MAP2: variants seen among roughly 807,000 people sequenced by gnomAD.
The protein encoded by MAP2 is microtubule associated protein 2.
A neutral mutation model predicts 137.6 loss-of-function variants in MAP2; 14 were observed. The ratio of observed to expected loss-of-function variants is 0.10; its 90% CI spans 0.07 to 0.16. The LOEUF (loss-of-function observed/expected upper bound fraction) is 0.16. Ranked by LOEUF, MAP2 falls within the 10% of genes least tolerant of loss-of-function variation. The pLI is 1.00. For synonymous variants in MAP2, 786 were observed against 782.3 expected, an observed-to-expected ratio of 1.00 and a Z score of -0.08; for missense variants, 2,088 against 2,191.5, an observed-to-expected ratio of 0.95 and a Z score of 0.94.
chr2:209,719,042 A>G (rs1033118633), intron 13 of MAP2, among the ~76,000 whole-genome samples: 2 of 152,204 alleles, frequency 1.3e-5, no homozygotes, highest in African/African-American at 4.8e-5. Context: ...TTCGAAAGAG[A>G]GAGAAAGTAT....
chr2:209,464,254 A>C (rs997527720), intron 1 of MAP2, among the ~76,000 whole-genome samples: 2 of 152,158 alleles, frequency 1.3e-5, no homozygotes, highest in African/African-American at 4.8e-5. Context: ...CTTCAATGTT[A>C]GTCTTTTTTT....
chr2:209,495,429 G>A (rs1339094643), intron 1 of MAP2, among the ~76,000 whole-genome samples: 4 of 152,230 alleles, frequency 2.6e-5, no homozygotes, highest in South Asian at 4.1e-4. Context: ...CATCTCATAC[G>A]GGAGAGCTCC....
At chr2:209,548,047 A>G (rs1165994830) in intron 2 of MAP2, among the ~76,000 whole-genome samples, 2 of 152,198 alleles carry the variant, frequency 1.3e-5, no homozygotes, top group African/African-American at 2.4e-5. Flanking sequence ...TCGATAAAGC[A>G]CCAGAAATAA....
intron 1 of MAP2, among the ~76,000 whole-genome samples, chr2:209,435,847 G>T (rs1695797382): frequency 6.7e-6 from 1 of 149,168 alleles, no homozygotes; most frequent in Non-Finnish European, 1.5e-5. Flanking sequence ...GTGAGAGTTA[G>T]AAGCCATGCA....
chr2:209,510,007 G>A (rs888194997), intron 2 of MAP2, among the ~76,000 whole-genome samples: 5 of 143,060 alleles, frequency 3.5e-5, no homozygotes, highest in African/African-American at 1.0e-4. Context: ...CTGGAAACGT[G>A]TTTTAATCTC....
intron 1 of MAP2, among the ~76,000 whole-genome samples, chr2:209,443,545 T>A (rs1698332521): frequency 7.9e-6 from 1 of 126,794 alleles, no homozygotes; most frequent in Non-Finnish European, 1.7e-5. Context: ...TCATACTTCT[T>A]GATGTATGCT....
At chr2:209,667,428 A>G (rs2046824584) in intron 5 of MAP2, among the ~76,000 whole-genome samples, 1 of 151,978 alleles carries the variant, frequency 6.6e-6, no homozygotes, top group Non-Finnish European at 1.5e-5. Context: ...AAACTAGCAA[A>G]GGGAAAGGAA....
At chr2:209,502,999 CTTTTTT>C (rs71043931) in intron 1 of MAP2, among the ~76,000 whole-genome samples, 6 of 131,342 alleles carry the variant, frequency 4.6e-5, no homozygotes, top group South Asian at 2.4e-4. Context: ...GATTTTTTTT[CTTTTTT>C]TTTTTTTTTT....
intron 2 of MAP2, among the ~76,000 whole-genome samples, chr2:209,566,204 T>C (rs909393423): frequency 6.6e-6 from 1 of 152,140 alleles, no homozygotes; most frequent in Non-Finnish European, 1.5e-5. Flanking sequence ...AAGTCCTGAG[T>C]GGAGGACCAA....
At chr2:209,729,030 C>T (rs900848056) in intron 14 of MAP2, among the ~76,000 whole-genome samples, 4 of 152,300 alleles carry the variant, frequency 2.6e-5, no homozygotes, top group East Asian at 3.9e-4. Flanking sequence ...GTAACTTGCC[C>T]AGTGTAGAAG....
chr2:209,489,684 A>G lies in MAP2; in HGVS notation c.-221-17908A>G, dbSNP rs531920430. On this transcript the variant is annotated intron_variant, in intron 1 of 15. Coordinates refer to ENST00000682079, the MANE Select transcript of MAP2 (RefSeq NM_001375505.1). Reference sequence around the variant, plus strand: ...TAGCCAAATTGATCAAGTGGAAGAAAGGATATCAGAGATTGAAGATCAATT... The same window carrying G: ...TAGCCAAATTGATCAAGTGGAAGAAGGGATATCAGAGATTGAAGATCAATT... Among the ~76,000 whole-genome samples, 6 of 152,328 alleles carry G rather than the reference A, an allele frequency of 3.9e-5. No individual in the cohort carries two copies. In the East Asian group the frequency reaches 9.7e-4, roughly 25 times the overall value.
In MAP2 at chr2:209,599,663, A is replaced by G. The variant is rs532218077; in HGVS notation, c.-107+19563A>G. Among the ~76,000 whole-genome samples the G allele has an allele frequency of 1.1e-4, 17 of 152,250 alleles. No individual in the cohort carries two copies. The East Asian group carries it at 2.5e-3, about 23-fold the overall frequency. ...TTACAATTGCCTTCTTGTCAACAGA[A>G]CAGAAATTTCTGGAGTCTATGGCTG... is the stretch of plus-strand genomic sequence containing the variant. On this transcript the variant is annotated intron_variant, in intron 3 of 15. Transcript: ENST00000682079.
In MAP2 at chr2:209,693,674, A is replaced by G. The variant is rs770938168; in HGVS notation, c.1504A>G (p.Ser502Gly). The part of the protein sequence containing the change: ...DMLKQDSFPV[S>G]LEQAVTDSAM... ...GTTGAAACAGGACTCGTTCCCTGTAAGTTTGGAGCAAGCAGTTACAGATTC... is the reference window on the plus strand; with the variant it reads ...GTTGAAACAGGACTCGTTCCCTGTAGGTTTGGAGCAAGCAGTTACAGATTC... The change falls in exon 8 of 16, where the codon AGT (serine) becomes GGT (glycine). Residue 502 changes from serine (S) to glycine (G), a missense_variant. Around this residue, in one of 6 missense-constraint regions of MAP2, gnomAD observed 859 missense variants for 794.5 expected, o/e 1.08. Coordinates refer to ENST00000682079, the MANE Select transcript of MAP2 (RefSeq NM_001375505.1). 1 of 1,613,630 alleles carries G rather than the reference A, an allele frequency of 6.2e-7. No homozygotes were observed. Among genetic ancestry groups the G allele is most frequent in the South Asian group, 1.1e-5 (1 of 91,034 alleles).
intron 4 of MAP2, among the ~76,000 whole-genome samples, chr2:209,633,619 G>C (rs1343207760): frequency 6.6e-6 from 1 of 152,100 alleles, no homozygotes; most frequent in Admixed American, 6.6e-5. Context: ...GATGGTTACT[G>C]TTTGTCATCC....
In MAP2 at chr2:209,476,425, A is replaced by G. The variant is rs189191398; in HGVS notation, c.-221-31167A>G. On this transcript the variant is annotated intron_variant, in intron 1 of 15. Transcript: ENST00000682079. ...TTTTTTTTTTTTTCATCATTCTGCT[A>G]TACGTATAATTCAGGCTGTAATTTA... Among the ~76,000 whole-genome samples the G allele has an allele frequency of 8.5e-4, 120 of 141,094 alleles. 1 individual carries two copies. The highest frequency in any genetic ancestry group is 3.0e-3 in the African/African-American group (114 of 38,470). The allele number at this position is 141,094 out of a possible 152,430, so 92.6% of individuals were successfully genotyped here.
At chr2:209,612,260 G>T (rs1316507891) in intron 3 of MAP2, among the ~76,000 whole-genome samples, 1 of 152,082 alleles carries the variant, frequency 6.6e-6, no homozygotes, top group Non-Finnish European at 1.5e-5. Context: ...AAAATATTTC[G>T]AGAGTGAAAA....
At chr2:209,499,880 A>G (rs1355276642) in intron 1 of MAP2, among the ~76,000 whole-genome samples, 1 of 152,112 alleles carries the variant, frequency 6.6e-6, no homozygotes, top group East Asian at 1.9e-4. Context: ...AAGCCATGAG[A>G]GCTCTGCCCC....
chr2:209,481,446 G>A (rs1240160737), intron 1 of MAP2, among the ~76,000 whole-genome samples: 1 of 152,158 alleles, frequency 6.6e-6, no homozygotes, highest in Non-Finnish European at 1.5e-5. Flanking sequence ...ATTGATGGGG[G>A]ACTGGGCGGT....
intron 7 of MAP2, among the ~76,000 whole-genome samples, chr2:209,687,871 C>A (rs1210517418): frequency 1.3e-5 from 2 of 152,142 alleles, no homozygotes; most frequent in African/African-American, 4.8e-5. Context: ...GTACTATGAG[C>A]ATCCTTTGTT....
Sources: allele counts gnomAD v4.1 joint callset (sites outside exome capture counted in the v4.1 genomes callset), GRCh38; gene constraint gnomAD v4.1.1; regional missense constraint gnomAD v4.1.1; transcripts MANE v1.5; gene names NCBI Gene and HGNC (gene_info 2026-07-23, HGNC 2026-07-21).